The following OR52E5 variants were observed in gnomAD, a reference collection of about 807,000 sequenced individuals.
OR52E5 encodes olfactory receptor 52E5.
At chr11:5,899,344 A>G (rs1371569094) in intron 2 of OR52E5, among the ~76,000 whole-genome samples, 2 of 152,214 alleles carry the variant, frequency 1.3e-5, no homozygotes, top group East Asian at 1.9e-4. Flanking sequence ...AACTCAGGAA[A>G]TGATCATATC....
intron 2 of OR52E5, among the ~76,000 whole-genome samples, chr11:5,895,963 CGCTT>C (rs1847167898): frequency 6.7e-6 from 1 of 149,964 alleles, no homozygotes; most frequent in Admixed American, 6.6e-5. Flanking sequence ...GCAGGAGAAT[CGCTT>C]CTACCCAAGT....
chr11:5,894,830 CA>C (rs1216979468), intron 1 of OR52E5, among the ~76,000 whole-genome samples: 2 of 152,066 alleles, frequency 1.3e-5, no homozygotes. Flanking sequence ...ATCTCAGTCA[CA>C]ACTCCTCAGA....
chr11:5,900,081 A>C (rs977497533), intron 2 of OR52E5, among the ~76,000 whole-genome samples: 18 of 152,198 alleles, frequency 1.2e-4, no homozygotes, highest in Admixed American at 1.0e-3. Flanking sequence ...AAGGCACTGC[A>C]AAGTATCTGA....
intron 1 of OR52E5, among the ~76,000 whole-genome samples, chr11:5,894,700 A>G (rs894463837): frequency 2.0e-5 from 3 of 152,210 alleles, no homozygotes. Context: ...TATGGAATAA[A>G]GACTTTTTTC....
At chr11:5,898,842 C>G (rs1443627352) in intron 2 of OR52E5, among the ~76,000 whole-genome samples, 2 of 152,112 alleles carry the variant, frequency 1.3e-5, no homozygotes, top group African/African-American at 4.8e-5. Flanking sequence ...GCTACTGCAG[C>G]CTTGGAGTAT....
At position 5,900,916 on chromosome 11, in the gene OR52E5, T is replaced by A; in HGVS notation, c.140T>A (p.Ile47Asn). 2.5e-6 allele frequency: 1 copy of A among 401,400 alleles called. No individual in the cohort carries two copies. The highest frequency in any genetic ancestry group is 4.4e-6 in the Non-Finnish European group (1 of 226,260). 24.9% of individuals were successfully genotyped at this position (401,400 alleles called of 1,614,324 possible). The change falls in exon 3 of 3, where the codon ATC becomes AAC. Residue 47 changes from isoleucine to asparagine, a missense_variant. Physicochemically the swap from Ile to Asn is moderately radical, Grantham distance 149. Transcript: ENST00000610445. ...ACAGCCCTTCTAGGGAACATCATTA[T>A]CCTGTTTGTGATACAGACTGAACAG... ...YLTALLGNIIILFVIQTEQSL... is the reference protein window; with the variant it reads ...YLTALLGNIINLFVIQTEQSL...
intron 1 of OR52E5, among the ~76,000 whole-genome samples, chr11:5,894,205 G>T (rs781478952): frequency 6.6e-6 from 1 of 152,060 alleles, no homozygotes; most frequent in East Asian, 1.9e-4. Context: ...GTAGATATTC[G>T]CCAGTGGTTC....
At chr11:5,897,642 T>C (rs191516607) in intron 2 of OR52E5, among the ~76,000 whole-genome samples, 1 of 152,312 alleles carries the variant, frequency 6.6e-6, no homozygotes, top group Admixed American at 6.5e-5. Context: ...AGATATCCAA[T>C]AGCGGGATTC....
In OR52E5 at chr11:5,902,519, A is replaced by G. The variant is rs963036176; in HGVS notation, c.*759A>G. 5.9e-5 allele frequency: 9 copies of G among 151,492 alleles called. No individual in the cohort carries two copies. Among genetic ancestry groups the G allele is most frequent in the African/African-American group, 2.2e-4 (9 of 41,218 alleles). 9.4% of individuals were successfully genotyped at this position (151,492 alleles called of 1,614,324 possible). On this transcript the variant is annotated 3_prime_UTR_variant, in exon 3 of 3. Coordinates refer to ENST00000610445, the MANE Select transcript of OR52E5 (RefSeq NM_001005166.5). ...ACCTCTCAGCTCTTACCTTCGTGAA[A>G]GAGACTTTCAGTCAGGAGACTATAA...
In OR52E5 at chr11:5,894,111, G is replaced by A. The variant is rs1847141185; in HGVS notation, c.-228+841G>A. On this transcript the variant is annotated intron_variant, in intron 1 of 2. Transcript: ENST00000610445. ...TGCACTCAACTTTCAATAGCCATTT[G>A]TGGATCCTGGCATTAAAAAAATCAT... 2.0e-5 allele frequency among the ~76,000 whole-genome samples: 3 copies of A among 152,152 alleles called. No homozygotes were observed. The South Asian group carries it at 6.2e-4, about 32-fold the overall frequency.
chr11:5,898,652 T>C (rs529178171), intron 2 of OR52E5, among the ~76,000 whole-genome samples: 2 of 152,322 alleles, frequency 1.3e-5, no homozygotes, highest in East Asian at 1.9e-4. Context: ...TTTATTCTTC[T>C]ACATATGGCT....
At position 5,901,824 on chromosome 11, in the gene OR52E5, G is replaced by A. The variant is rs1847259494; in HGVS notation, c.*64G>A. ...TACTACTTCTCTTGCATTCCCACAT[G>A]AGCCAATAGCATTATATCCCCTACA... On this transcript the variant is annotated 3_prime_UTR_variant, in exon 3 of 3. Transcript: ENST00000610445. 1 of 399,384 alleles carries A rather than the reference G, an allele frequency of 2.5e-6. No homozygotes were observed. The highest frequency in any genetic ancestry group is 4.4e-6 in the Non-Finnish European group (1 of 225,948). 24.7% of individuals were successfully genotyped at this position (399,384 alleles called of 1,614,324 possible).
At position 5,900,831 on chromosome 11, in the gene OR52E5, G is replaced by A. The variant is rs1847239519; in HGVS notation, c.55G>A (p.Val19Ile). The change falls in exon 3 of 3, where the codon GTC (valine) becomes ATC (isoleucine). Residue 19 changes from valine to isoleucine, a missense_variant. Val to Ile is a conservative substitution (Grantham distance 29). Coordinates refer to ENST00000610445, the MANE Select transcript of OR52E5 (RefSeq NM_001005166.5). ...CCCTTCCACCTTCCTCGTAGTGGGG[G>A]TCCCAGGGCTGGAAGATGTGCATGT... ...FHPSTFLVVG[V>I]PGLEDVHVWI... The A allele has an allele frequency of 5.0e-6, 2 of 401,218 alleles. No homozygotes were observed. The highest frequency in any genetic ancestry group is 8.8e-6 in the Non-Finnish European group (2 of 226,286). 24.9% of individuals were successfully genotyped at this position (401,218 alleles called of 1,614,324 possible).
In OR52E5 at chr11:5,901,464, T is replaced by C; in HGVS notation, c.688T>C (p.Trp230Arg). The change falls in exon 3 of 3, where the codon TGG becomes CGG. Residue 230 changes from tryptophan (W) to arginine (R), a missense_variant. Trp to Arg is a moderately radical substitution (Grantham distance 101). Transcript: ENST00000610445. ...CCGAGCTGTCTTCCATCTCCCAGCC[T>C]GGGATGCCCGGCCTAAGGCACTCAG... ...ILRAVFHLPA[W>R]DARPKALSTC... The C allele has an allele frequency of 2.5e-6, 1 of 401,740 alleles. No individual in the cohort carries two copies. The highest frequency in any genetic ancestry group is 4.4e-6 in the Non-Finnish European group (1 of 226,362). 24.9% of individuals were successfully genotyped at this position (401,740 alleles called of 1,614,324 possible).
rs1021398580 is a variant in OR52E5, at chr11:5,895,614, A to G, written c.-227-18A>G. ...ATAAATTTAATGTTTTAAGCTAATC[A>G]TTGTATTCCACCATTAGCAGGATGA... On this transcript the variant is annotated intron_variant, in intron 1 of 2. Coordinates refer to ENST00000610445, the MANE Select transcript of OR52E5 (RefSeq NM_001005166.5). 3.3e-5 allele frequency: 5 copies of G among 152,220 alleles called. No individual in the cohort carries two copies. The highest frequency in any genetic ancestry group is 5.9e-5 in the Non-Finnish European group (4 of 68,034). 9.4% of individuals were successfully genotyped at this position (152,220 alleles called of 1,614,324 possible).
chr11:5,898,374 C>T (rs949960034), intron 2 of OR52E5, among the ~76,000 whole-genome samples: 3 of 152,054 alleles, frequency 2.0e-5, no homozygotes, highest in Non-Finnish European at 4.4e-5. Flanking sequence ...TATTTTCTCC[C>T]ATTTTGTAGG....
chr11:5,897,048 A>G (rs1277006161), intron 2 of OR52E5, among the ~76,000 whole-genome samples: 1 of 152,238 alleles, frequency 6.6e-6, no homozygotes, highest in East Asian at 1.9e-4. Flanking sequence ...GGCAGGGGAT[A>G]GATGTAAATA....
chr11:5,896,632 A>G (rs1847179900), intron 2 of OR52E5, among the ~76,000 whole-genome samples: 1 of 152,154 alleles, frequency 6.6e-6, no homozygotes, highest in African/African-American at 2.4e-5. Context: ...GAAAGTAATA[A>G]TCATGATGAT....
rs574532167 is a variant in OR52E5 at position 5,901,453 on chromosome 11, A to G, written c.677A>G (p.His226Arg). ...SYVQILRAVF[H>R]LPAWDARPKA... ...GTCCAGATCCTCCGAGCTGTCTTCCATCTCCCAGCCTGGGATGCCCGGCCT... is the reference window on the plus strand; with the variant it reads ...GTCCAGATCCTCCGAGCTGTCTTCCGTCTCCCAGCCTGGGATGCCCGGCCT... The change falls in exon 3 of 3, where the codon CAT becomes CGT. Residue 226 changes from histidine (H) to arginine (R), a missense_variant. By Grantham distance (29) the His-to-Arg change is conservative (BLOSUM62 0). Coordinates refer to ENST00000610445, the MANE Select transcript of OR52E5 (RefSeq NM_001005166.5). The G allele has an allele frequency of 5.0e-6, 2 of 401,644 alleles. No individual in the cohort carries two copies. The highest frequency in any genetic ancestry group is 2.0e-5 in the African/African-American group (1 of 48,804). 24.9% of individuals were successfully genotyped at this position (401,644 alleles called of 1,614,324 possible).
Sources: allele counts gnomAD v4.1 joint callset (sites outside exome capture counted in the v4.1 genomes callset), GRCh38; gene constraint gnomAD v4.1.1; transcripts MANE v1.5; gene names NCBI Gene and HGNC (gene_info 2026-07-23, HGNC 2026-07-21).